NRXN3: variants seen among roughly 807,000 people sequenced by gnomAD.
NRXN3 encodes neurexin III.
Under a neutral mutation model 137.6 loss-of-function variants are expected in NRXN3, and 32 were observed. That is an observed-to-expected ratio of 0.23 (90% confidence interval 0.18 to 0.31). The LOEUF (loss-of-function observed/expected upper bound fraction) is 0.31. Among genes scored for constraint, NRXN3 ranks in the 10% least tolerant of loss-of-function variants. NRXN3 has a pLI of 1.00. For missense variants in NRXN3, 1,574 were observed against 2,062.5 expected, an observed-to-expected ratio of 0.76 and a Z score of 4.59; for synonymous variants, 798 against 784.5, an observed-to-expected ratio of 1.02 and a Z score of -0.29.
intron 4 of NRXN3, among the ~76,000 whole-genome samples, chr14:78,349,155 G>A (rs1277391277): frequency 2.6e-5 from 4 of 152,184 alleles, no homozygotes; most frequent in Admixed American, 1.3e-4. Flanking sequence ...CAGGTGTTTT[G>A]TAATAATCTC....
chr14:79,743,415 A>C (rs181555411), intron 19 of NRXN3, among the ~76,000 whole-genome samples: 1 of 152,300 alleles, frequency 6.6e-6, no homozygotes, highest in East Asian at 1.9e-4. Context: ...TTGGATTTAG[A>C]AGCTGGAGGG....
At chr14:79,785,091 A>G (rs1009191076) in intron 19 of NRXN3, among the ~76,000 whole-genome samples, 11 of 152,202 alleles carry the variant, frequency 7.2e-5, no homozygotes, top group Non-Finnish European at 1.5e-4. Flanking sequence ...TCTGAAGTGT[A>G]TGCAGTAATG....
At chr14:78,815,479 CTTTTT>C (rs61411777) in intron 10 of NRXN3, among the ~76,000 whole-genome samples, 9 of 84,454 alleles carry the variant, frequency 1.1e-4, no homozygotes, top group South Asian at 5.7e-4. Flanking sequence ...TTGTTTCTTT[CTTTTT>C]TTTTTTTTTT....
intron 19 of NRXN3, among the ~76,000 whole-genome samples, chr14:79,738,315 C>CCACACACACACACACACACA (rs10539564): frequency 4.7e-4 from 65 of 138,050 alleles, no homozygotes; most frequent in Non-Finnish European, 4.8e-4. Flanking sequence ...ATTTCCCCCG[C>CCACACACACACACACACACA]CACACACACA....
At chr14:79,399,034 GA>G (rs895472475) in intron 15 of NRXN3, among the ~76,000 whole-genome samples, 17 of 132,236 alleles carry the variant, frequency 1.3e-4, no homozygotes, top group African/African-American at 3.1e-4. Flanking sequence ...AAAAGAAGAA[GA>G]AAAAAAAAAA....
At chr14:78,619,903 A>T (rs2097383232) in intron 4 of NRXN3, among the ~76,000 whole-genome samples, 1 of 152,160 alleles carries the variant, frequency 6.6e-6, no homozygotes, top group South Asian at 2.1e-4. Flanking sequence ...CGGCCATGTG[A>T]GGACACAGGA....
intron 10 of NRXN3, among the ~76,000 whole-genome samples, chr14:78,865,974 A>G (rs2099085705): frequency 6.6e-6 from 1 of 152,214 alleles, no homozygotes; most frequent in African/African-American, 2.4e-5. Flanking sequence ...CTTTCTCTTT[A>G]TCAGAATCAG....
intron 4 of NRXN3, among the ~76,000 whole-genome samples, chr14:78,578,889 C>G (rs910858247): frequency 6.6e-6 from 1 of 151,582 alleles, no homozygotes; most frequent in Non-Finnish European, 1.5e-5. Context: ...TCTACAGGCT[C>G]TTTTTTCCTA....
chr14:79,567,378 A>G lies in NRXN3; in HGVS notation c.3445-96400A>G, dbSNP rs555322544. On this transcript the variant is annotated intron_variant, in intron 16 of 20. Coordinates refer to ENST00000335750, the MANE Select transcript of NRXN3 (RefSeq NM_001330195.2). ...GGACACAAGACCAGACTGGACTTGC[A>G]TATGTTAATGGGAAACAAAATGGGG... Among the ~76,000 whole-genome samples, 24 of 152,136 alleles carry G rather than the reference A, an allele frequency of 1.6e-4. 1 individual carries two copies. The East Asian group carries it at 4.7e-3, about 30-fold the overall frequency.
chr14:78,506,638 T>C (rs980659467), intron 4 of NRXN3, among the ~76,000 whole-genome samples: 17 of 139,496 alleles, frequency 1.2e-4, no homozygotes, highest in South Asian at 2.4e-4. Context: ...TCATATCTCA[T>C]TGTAGTTTTT....
At chr14:78,928,159 C>G (rs1052648914) in intron 10 of NRXN3, among the ~76,000 whole-genome samples, 2 of 152,154 alleles carry the variant, frequency 1.3e-5, no homozygotes, top group Non-Finnish European at 2.9e-5. Context: ...CCTCAATTTG[C>G]TCTCTGGGAT....
intron 15 of NRXN3, among the ~76,000 whole-genome samples, chr14:79,149,547 A>G (rs1404640191): frequency 6.6e-6 from 1 of 152,112 alleles, no homozygotes; most frequent in Non-Finnish European, 1.5e-5. Context: ...TTATAAAGAG[A>G]CATGCATGCG....
intron 1 of NRXN3, among the ~76,000 whole-genome samples, chr14:78,179,210 G>A (rs2059557088): frequency 6.6e-6 from 1 of 152,162 alleles, no homozygotes; most frequent in African/African-American, 2.4e-5. Flanking sequence ...AGGGATGCCA[G>A]GTCTGCTGCC....
chr14:78,426,304 C>T (rs1030985194), intron 4 of NRXN3, among the ~76,000 whole-genome samples: 4 of 152,202 alleles, frequency 2.6e-5, no homozygotes, highest in African/African-American at 9.6e-5. Context: ...GCATTGGCTT[C>T]TTCCAGGGGC....
intron 20 of NRXN3, chr14:79,854,003 G>A (rs1348274135): frequency 2.0e-6 from 2 of 984,306 alleles, no homozygotes; most frequent in African/African-American, 1.8e-5. Flanking sequence ...GTTATGTGGT[G>A]TGGATGTATG....
At chr14:78,205,027 A>T (rs2062044352) in intron 1 of NRXN3, among the ~76,000 whole-genome samples, 1 of 152,082 alleles carries the variant, frequency 6.6e-6, no homozygotes, top group Admixed American at 6.5e-5. Context: ...CTTTGTGTTG[A>T]TGGGGGCACA....
chr14:78,401,411 C>T (rs1183212308), intron 4 of NRXN3, among the ~76,000 whole-genome samples: 2 of 152,114 alleles, frequency 1.3e-5, no homozygotes, highest in Non-Finnish European at 2.9e-5. Context: ...GTGATCTGCC[C>T]TCCTGAGCCT....
rs532260813 is a variant in NRXN3 at position 78,195,636 on chromosome 14, G to C, written c.-704+24962G>C. Among the ~76,000 whole-genome samples the C allele has an allele frequency of 2.0e-4, 31 of 152,316 alleles. 1 individual carries two copies. In the South Asian group the frequency reaches 6.4e-3, roughly 32 times the overall value. On this transcript the variant is annotated intron_variant, in intron 1 of 20. Coordinates refer to ENST00000335750, the MANE Select transcript of NRXN3 (RefSeq NM_001330195.2). Reference sequence around the variant, plus strand: ...ATGAGAGAGCGAGAGCAACGGAAGAGCTGAGGAGAGCAACTGCGGGCGTCT... The same window carrying C: ...ATGAGAGAGCGAGAGCAACGGAAGACCTGAGGAGAGCAACTGCGGGCGTCT...
At chr14:78,395,733 A>G (rs568443735) in intron 4 of NRXN3, among the ~76,000 whole-genome samples, 69 of 152,010 alleles carry the variant, frequency 4.5e-4, no homozygotes, top group Non-Finnish European at 9.3e-4. Flanking sequence ...TTATCATTAT[A>G]TGTTAATCCT....
Sources: gnomAD v4.1 joint callset for allele counts (sites outside exome capture counted in the v4.1 genomes callset) on GRCh38, gnomAD v4.1.1 for gene constraint, MANE v1.5 for transcripts, NCBI Gene and HGNC (gene_info 2026-07-23, HGNC 2026-07-21) for gene names.